SRRM2: variants seen among roughly 807,000 people sequenced by gnomAD.
SRRM2 encodes the protein serine/arginine repetitive matrix 2.
In SRRM2, 30 loss-of-function variants were observed where a neutral mutation model predicts 213.8. That is an observed-to-expected ratio of 0.14 (90% CI 0.10 to 0.19). SRRM2 has a LOEUF of 0.19. Ranked by LOEUF, SRRM2 falls within the 10% of genes least tolerant of loss-of-function variation. The pLI is 1.00. For synonymous variants in SRRM2, 2,025 were observed against 1,377.7 expected (o/e 1.47, Z -10.40); for missense variants, 4,904 against 3,647.0 (o/e 1.34, Z -8.88).
In SRRM2 at chr16:2,761,937, A is replaced by G. The variant is rs2068365837; in HGVS notation, c.1409A>G (p.Asp470Gly). Residue 470 changes from aspartate (D) to glycine (G), a missense_variant, in exon 11 of 15, where the codon GAT (aspartate) becomes GGT (glycine). Transcript: ENST00000301740. ...KNRSHGRAKRDKSHSHTPSRR... is the reference protein window; with the variant it reads ...KNRSHGRAKRGKSHSHTPSRR... Reference sequence around the variant, plus strand: ...CGCTCACATGGCCGAGCAAAACGGGATAAATCACATTCTCATACCCCCTCC... The same window carrying G: ...CGCTCACATGGCCGAGCAAAACGGGGTAAATCACATTCTCATACCCCCTCC... 15 of 1,613,720 alleles carry G rather than the reference A, an allele frequency of 9.3e-6. No homozygotes were observed. Among genetic ancestry groups the G allele is most frequent in the African/African-American group, 1.3e-5 (1 of 74,768 alleles).
At position 2,763,560 on chromosome 16, in the gene SRRM2, G is replaced by A. The variant is rs756807078; in HGVS notation, c.3032G>A (p.Gly1011Glu). Residue 1011 changes from glycine (G) to glutamate (E), a missense_variant, in exon 11 of 15, where the codon GGA (glycine) becomes GAA (glutamate). Gly to Glu is a moderately conservative substitution (Grantham distance 98). Coordinates refer to ENST00000301740, the MANE Select transcript of SRRM2 (RefSeq NM_016333.4). ...ACTCCACCGGGGCCAAGTCTTTCTG[G>A]ATCAAAGTCACCATGTCCCCAAGAG... Reference protein sequence around the residue: ...AQTPPGPSLSGSKSPCPQEKS... With the variant: ...AQTPPGPSLSESKSPCPQEKS... The A allele has an allele frequency of 6.8e-6, 11 of 1,613,994 alleles. No individual in the cohort carries two copies. Among genetic ancestry groups the A allele is most frequent in the Non-Finnish European group, 9.3e-6 (11 of 1,180,040 alleles).
At position 2,765,844 on chromosome 16, in the gene SRRM2, G is replaced by T; in HGVS notation, c.5316G>T (p.Arg1772Ser). The T allele has an allele frequency of 6.2e-7, 1 of 1,614,020 alleles. No homozygotes were observed. The highest frequency in any genetic ancestry group is 8.5e-7 in the Non-Finnish European group (1 of 1,180,006). ...SPSPKPRGLQ[R>S]SRSRSRREKT... ...CGCCAAAGCCTCGTGGACTCCAGAGGTCCCGTTCCCGCTCAAGGAGAGAGA... is the reference window on the plus strand; with the variant it reads ...CGCCAAAGCCTCGTGGACTCCAGAGTTCCCGTTCCCGCTCAAGGAGAGAGA... The change falls in exon 11 of 15, where the codon AGG becomes AGT. Residue 1772 changes from arginine (R) to serine (S), a missense_variant. Transcript: ENST00000301740.
At position 2,771,141 on chromosome 16, in the gene SRRM2, A is replaced by AC; in HGVS notation, c.*278dup. ...GGGAGGGGAGGATACAGTTCAGGATACCCCAGCCTGGAGTCAGGGCCAGGG... is the reference window on the plus strand; with the variant it reads ...GGGAGGGGAGGATACAGTTCAGGATACCCCCAGCCTGGAGTCAGGGCCAGGG... On this transcript the variant is annotated 3_prime_UTR_variant, in exon 15 of 15. Transcript: ENST00000301740. 2 of 620,730 alleles carry AC rather than the reference A, an allele frequency of 3.2e-6. No homozygotes were observed. The highest frequency in any genetic ancestry group is 5.6e-6 in the Non-Finnish European group (2 of 355,900). The allele number at this position is 620,730 out of a possible 1,614,324, so 38.5% of individuals were successfully genotyped here.
At chr16:2,759,268 C>T (rs2068255428) in intron 7 of SRRM2, 84 bp from the exon 8 acceptor site, 2 of 1,605,048 alleles carry the variant, frequency 1.2e-6, no homozygotes, top group African/African-American at 2.7e-5. Context: ...TTCCTTGTGT[C>T]AACACTCCCT....
intron 10 of SRRM2, chr16:2,760,791 T>C: frequency 3.1e-6 from 1 of 327,000 alleles, no homozygotes; most frequent in Non-Finnish European, 5.8e-6. Context: ...GTACTCCGTA[T>C]GATGCCTCTA....
chr16:2,765,069 G>A lies in SRRM2; in HGVS notation c.4541G>A (p.Arg1514Lys). ...AACAACAAGTGTCTTACCCCCCAGAGAGAAAGAAGCGGGTCAGAATCATCA... is the reference window on the plus strand; with the variant it reads ...AACAACAAGTGTCTTACCCCCCAGAAAGAAAGAAGCGGGTCAGAATCATCA... ...ELNNKCLTPQ[R>K]ERSGSESSVD... Residue 1514 changes from arginine to lysine, a missense_variant, in exon 11 of 15, where the codon AGA (arginine) becomes AAA (lysine). Arg to Lys is a conservative substitution (Grantham distance 26, BLOSUM62 2). Transcript: ENST00000301740. 2 of 1,614,112 alleles carry A rather than the reference G, an allele frequency of 1.2e-6. No homozygotes were observed. The highest frequency in any genetic ancestry group is 1.7e-6 in the Non-Finnish European group (2 of 1,180,040).
Position 2,763,511 on chromosome 16 carries a change from C to T in SRRM2, c.2983C>T (p.Pro995Ser), listed in dbSNP as rs1269432957. The change falls in exon 11 of 15, where the codon CCA becomes TCA. Residue 995 changes from proline to serine, a missense_variant. By Grantham distance (74) the Pro-to-Ser change is moderately conservative. Transcript: ENST00000301740. ...PRQSHSGSIS[P>S]YPKVKAQTPP... is the part of the protein sequence containing the mutation. ...ACAAAGTCACTCAGGGTCTATTTCA[C>T]CATACCCCAAAGTAAAGGCCCAAAC... 7 of 1,614,024 alleles carry T rather than the reference C, an allele frequency of 4.3e-6. No homozygotes were observed. The South Asian group carries it at 4.4e-5, about 10-fold the overall frequency.
At position 2,770,595 on chromosome 16, in the gene SRRM2, G is replaced by T; in HGVS notation, c.8136-9G>T. 6.4e-7 allele frequency: 1 copy of T among 1,553,310 alleles called. No individual in the cohort carries two copies. On this transcript the variant is annotated splice_polypyrimidine_tract_variant and intron_variant, in intron 13 of 14. Transcript: ENST00000301740. ...CACCCTGTGGCCTGATGTCTGTCCT[G>T]TGTTGCAGCAGCAGCAGTGAGCGGG...
In SRRM2 at chr16:2,762,616, A is replaced by G. The variant is rs75499358; in HGVS notation, c.2088A>G (p.Thr696=). 7 of 1,614,192 alleles carry G rather than the reference A, an allele frequency of 4.3e-6. No homozygotes were observed. Among genetic ancestry groups the G allele is most frequent in the South Asian group, 1.1e-5 (1 of 91,082 alleles). The change falls in exon 11 of 15, where the codon ACA becomes ACG. Residue 696 remains threonine (T), a synonymous_variant. Coordinates refer to ENST00000301740, the MANE Select transcript of SRRM2 (RefSeq NM_016333.4). ...GGAGAGGGAGGTCTCGGTCTAGGAC[A>G]CCAAGACGAGGAAGATCCCGCAGTA... ...PARRGRSRSR[T]PRRGRSRSRS...
In SRRM2 at chr16:2,756,348, C is replaced by T. The variant is rs774864804; in HGVS notation, c.-17C>T. 1.9e-6 allele frequency: 3 copies of T among 1,586,434 alleles called. No individual in the cohort carries two copies. Among genetic ancestry groups the T allele is most frequent in the African/African-American group, 1.3e-5 (1 of 74,346 alleles). On this transcript the variant is annotated 5_prime_UTR_variant, in exon 2 of 15. Coordinates refer to ENST00000301740, the MANE Select transcript of SRRM2 (RefSeq NM_016333.4). ...CTCCCCCTCAGGAGCGGTGGTGCCC[C>T]CCCCGGGCACGGGGCCATGTACAAC...
chr16:2,757,649 T>G, intron 3 of SRRM2, 70 bp downstream of exon 3: 2 of 1,583,796 alleles, frequency 1.3e-6, no homozygotes, highest in Non-Finnish European at 1.7e-6. Flanking sequence ...GCTGTCCTTT[T>G]CCTTACGTGG....
In SRRM2 at chr16:2,761,159, T is replaced by C. The variant is rs375417402; in HGVS notation, c.1033-402T>C. 5.3e-5 allele frequency among the ~76,000 whole-genome samples: 8 copies of C among 152,358 alleles called. No homozygotes were observed. The East Asian group carries it at 1.5e-3, about 29-fold the overall frequency. On this transcript the variant is annotated intron_variant, in intron 10 of 14. Coordinates refer to ENST00000301740, the MANE Select transcript of SRRM2 (RefSeq NM_016333.4). ...GCTGCTTTTTTACTCTTCACACAAA[T>C]CATGTTCTCACATCTTTATTCATGC...
At chr16:2,758,031 C>G (rs906430623) in intron 4 of SRRM2, 86 bp downstream of exon 4, 8 of 1,472,052 alleles carry the variant, frequency 5.4e-6, no homozygotes, top group Non-Finnish European at 7.3e-6. Flanking sequence ...GGGCTGGTTT[C>G]TTCCCAAACT....
At position 2,765,093 on chromosome 16, in the gene SRRM2, C is replaced by T. The variant is rs1466235721; in HGVS notation, c.4565C>T (p.Ser1522Leu). The change falls in exon 11 of 15, where the codon TCA becomes TTA. Residue 1522 changes from serine (S) to leucine (L), a missense_variant. By Grantham distance (145) the Ser-to-Leu change is moderately radical (BLOSUM62 -2). Transcript: ENST00000301740. ...AGAGAAAGAAGCGGGTCAGAATCAT[C>T]AGTTGATCAGAAAACTGTGGCTCGG... The part of the protein sequence containing the change: ...PQRERSGSES[S>L]VDQKTVARTP... 6.2e-7 allele frequency: 1 copy of T among 1,614,070 alleles called. No homozygotes were observed.
chr16:2,768,153 C>A lies in SRRM2; in HGVS notation c.7625C>A (p.Ser2542Tyr). The part of the protein sequence containing the change: ...SSSSSSSSSS[S>Y]SSSSSSSSSS... ...TCCTCGTCGTCGTCGTCCTCTAGCT[C>A]CTCCTCTTCTTCATCATCGTCGTCG... The change falls in exon 11 of 15, where the codon TCC becomes TAC. Residue 2542 changes from serine to tyrosine, a missense_variant. Coordinates refer to ENST00000301740, the MANE Select transcript of SRRM2 (RefSeq NM_016333.4). The A allele has an allele frequency of 6.2e-7, 1 of 1,613,028 alleles. No homozygotes were observed. The highest frequency in any genetic ancestry group is 8.5e-7 in the Non-Finnish European group (1 of 1,179,208).
chr16:2,761,753 C>A lies in SRRM2; in HGVS notation c.1225C>A (p.Pro409Thr). 6.2e-7 allele frequency: 1 copy of A among 1,613,070 alleles called. No homozygotes were observed. Among genetic ancestry groups the A allele is most frequent in the African/African-American group, 1.3e-5 (1 of 74,968 alleles). ...PTRDRSPPKS[P>T]EKLPQSSSSE... ...TCGGGACCGTTCACCACCTAAGTCT[C>A]CCGAGAAACTTCCCCAGTCTTCTTC... The change falls in exon 11 of 15, where the codon CCC (proline) becomes ACC (threonine). Residue 409 changes from proline (P) to threonine (T), a missense_variant. Physicochemically the swap from Pro to Thr is conservative, Grantham distance 38. Transcript: ENST00000301740.
chr16:2,768,259 G>C lies in SRRM2; in HGVS notation c.7731G>C (p.Lys2577Asn), dbSNP rs748394931. 7.8e-6 allele frequency: 12 copies of C among 1,537,626 alleles called. No homozygotes were observed. The highest frequency in any genetic ancestry group is 1.0e-5 in the Non-Finnish European group (12 of 1,145,280). Residue 2577 changes from lysine to asparagine, a missense_variant and splice_region_variant, in exon 11 of 15, where the codon AAG (lysine) becomes AAC (asparagine). By Grantham distance (94) the Lys-to-Asn change is moderately conservative (BLOSUM62 0). Transcript: ENST00000301740. ...CTGTGCAACCTGAGGTGGCACTGAA[G>C]AGGTGAGGGAGCTTGACTTTTAGAA... Reference protein sequence around the residue: ...SLPVQPEVALKRVPSPTPAPK... With the variant: ...SLPVQPEVALNRVPSPTPAPK...
chr16:2,768,416 C>T (rs1161695366), intron 11 of SRRM2, 155 bp downstream of exon 11: 3 of 806,396 alleles, frequency 3.7e-6, no homozygotes, highest in Non-Finnish European at 5.8e-6. Flanking sequence ...AATGCTGGGG[C>T]AGGGGGCGGA....
rs755976560 is a variant in SRRM2 at position 2,763,140 on chromosome 16, G to A, written c.2612G>A (p.Ser871Asn). Residue 871 changes from serine to asparagine, a missense_variant, in exon 11 of 15, where the codon AGC (serine) becomes AAC (asparagine). By Grantham distance (46) the Ser-to-Asn change is conservative (BLOSUM62 1). Coordinates refer to ENST00000301740, the MANE Select transcript of SRRM2 (RefSeq NM_016333.4). ...NEQSVTPQRR[S>N]CFESSPDPEL... ...CAATCTGTAACGCCACAGAGACGGAGCTGTTTTGAATCATCACCTGACCCT... is the reference window on the plus strand; with the variant it reads ...CAATCTGTAACGCCACAGAGACGGAACTGTTTTGAATCATCACCTGACCCT... 14 of 1,614,156 alleles carry A rather than the reference G, an allele frequency of 8.7e-6. No individual in the cohort carries two copies. In the South Asian group the frequency reaches 1.2e-4, roughly 14 times the overall value.
Sources: gnomAD v4.1 joint callset for allele counts (sites outside exome capture counted in the v4.1 genomes callset) on GRCh38, gnomAD v4.1.1 for gene constraint, MANE v1.5 for transcripts, NCBI Gene and HGNC (gene_info 2026-07-23, HGNC 2026-07-21) for gene names.